The following DCLK2 variants were observed in gnomAD, a reference collection of about 807,000 sequenced individuals.
DCLK2 encodes the protein serine/threonine-protein kinase DCLK2.
Under a neutral mutation model 78.4 loss-of-function variants are expected in DCLK2, and 31 were observed. That is an observed-to-expected ratio of 0.40 (90% confidence interval 0.30 to 0.53). The LOEUF is 0.53. Ranked by LOEUF, DCLK2 falls within the 20% of genes least tolerant of loss-of-function variation. The pLI, the probability that DCLK2 is intolerant of heterozygous loss-of-function variation, is 0.61. For missense variants in DCLK2, 872 were observed against 973.7 expected (o/e 0.90, Z 1.39); for synonymous variants, 407 against 374.9 (o/e 1.09, Z -0.99).
intron 2 of DCLK2, among the ~76,000 whole-genome samples, chr4:150,190,687 T>A (rs531697981): frequency 5.8e-4 from 88 of 152,258 alleles, no homozygotes; most frequent in Non-Finnish European, 9.7e-4. Flanking sequence ...GTGTTTCTTC[T>A]GGGGATGATG....
At chr4:150,193,838 T>G (rs1738658951) in intron 3 of DCLK2, among the ~76,000 whole-genome samples, 1 of 152,032 alleles carries the variant, frequency 6.6e-6, no homozygotes, top group Non-Finnish European at 1.5e-5. Flanking sequence ...GCCTTGACTG[T>G]GCTGCTGGAT....
At chr4:150,100,512 T>G (rs189713493) in intron 1 of DCLK2, among the ~76,000 whole-genome samples, 9 of 152,342 alleles carry the variant, frequency 5.9e-5, no homozygotes, top group Non-Finnish European at 1.0e-4. Context: ...CCAGCTGACT[T>G]ACTACTTATC....
intron 2 of DCLK2, among the ~76,000 whole-genome samples, chr4:150,188,952 G>A (rs1230904377): frequency 6.9e-6 from 1 of 144,262 alleles, no homozygotes; most frequent in Non-Finnish European, 1.5e-5. Context: ...GAAAAAAAAA[G>A]TCACCTTTTT....
At chr4:150,207,208 C>T (rs1739905753) in intron 5 of DCLK2, among the ~76,000 whole-genome samples, 1 of 152,082 alleles carries the variant, frequency 6.6e-6, no homozygotes, top group Non-Finnish European at 1.5e-5. Flanking sequence ...AGCAAGCAAA[C>T]CAAGCCACGA....
At chr4:150,098,244 C>T (rs866878074) in intron 1 of DCLK2, among the ~76,000 whole-genome samples, 2 of 152,050 alleles carry the variant, frequency 1.3e-5, no homozygotes, top group Non-Finnish European at 2.9e-5. Flanking sequence ...ATGGCAGTCA[C>T]TCACTTAGTG....
chr4:150,106,350 T>C (rs1432062203), intron 2 of DCLK2, among the ~76,000 whole-genome samples: 2 of 152,164 alleles, frequency 1.3e-5, no homozygotes, highest in African/African-American at 4.8e-5. Context: ...AAAATTTCTA[T>C]GGGTATGCAT....
At chr4:150,186,972 T>A (rs554862562) in intron 2 of DCLK2, among the ~76,000 whole-genome samples, 1 of 151,974 alleles carries the variant, frequency 6.6e-6, no homozygotes, top group East Asian at 1.9e-4. Flanking sequence ...CAAATAATGA[T>A]TGCATTAGAC....
intron 5 of DCLK2, among the ~76,000 whole-genome samples, chr4:150,215,931 G>A (rs761258626): frequency 6.6e-5 from 10 of 152,208 alleles, no homozygotes; most frequent in Non-Finnish European, 1.5e-4. Flanking sequence ...ATTGTTTTCT[G>A]AGGCCTAAAG....
chr4:150,253,292 C>T (rs1449824369), intron 15 of DCLK2: 3 of 627,170 alleles, frequency 4.8e-6, no homozygotes, highest in African/African-American at 1.9e-5. Flanking sequence ...TAGTGTCAAC[C>T]GTCTGGAGGT....
intron 2 of DCLK2, among the ~76,000 whole-genome samples, chr4:150,160,507 TAAA>T (rs1404008874): frequency 6.6e-6 from 1 of 152,188 alleles, no homozygotes; most frequent in Non-Finnish European, 1.5e-5. Flanking sequence ...CCTGGGCAAT[TAAA>T]AACCCAAAAC....
chr4:150,158,447 A>G (rs1426745600), intron 2 of DCLK2, among the ~76,000 whole-genome samples: 1 of 151,962 alleles, frequency 6.6e-6, no homozygotes, highest in East Asian at 1.9e-4. Flanking sequence ...CCTCCCCTCC[A>G]CCACAGAGGC....
In DCLK2 at chr4:150,082,827, T is replaced by TGTCTTCTCTCCTTCTGAGCGTTTG. The variant is rs1265140741; in HGVS notation, c.421+3399_421+3422dup. ...TTCCTAGTCTTAGTTCTGTTCCGTG[T>TGTCTTCTCTCCTTCTGAGCGTTTG]GTCTTCTCTCCTTCTGAGCGTTTGG... is the stretch of plus-strand genomic sequence containing the variant. On this transcript the variant is annotated intron_variant, in intron 1 of 15. Coordinates refer to ENST00000296550, the MANE Select transcript of DCLK2 (RefSeq NM_001040260.4). 7.9e-5 allele frequency among the ~76,000 whole-genome samples: 12 copies of TGTCTTCTCTCCTTCTGAGCGTTTG among 152,318 alleles called. No homozygotes were observed. The East Asian group carries it at 2.3e-3, about 29-fold the overall frequency.
intron 2 of DCLK2, among the ~76,000 whole-genome samples, chr4:150,106,353 G>T (rs1337985625): frequency 1.3e-5 from 2 of 152,150 alleles, no homozygotes; most frequent in East Asian, 3.9e-4. Flanking sequence ...ATTTCTATGG[G>T]TATGCATGCT....
At chr4:150,136,389 T>A (rs553033407) in intron 2 of DCLK2, among the ~76,000 whole-genome samples, 1 of 152,208 alleles carries the variant, frequency 6.6e-6, no homozygotes, top group African/African-American at 2.4e-5. Flanking sequence ...ATCTGTGATA[T>A]CACCCACAGT....
In DCLK2 at chr4:150,078,886, C is replaced by T. The variant is rs1729012915; in HGVS notation, c.-142C>T. ...TCGGCTCCTCCGCGGCTCCTCGGCC[C>T]CACCTGCGCGGAGAGGGCGGGATGC... On this transcript the variant is annotated 5_prime_UTR_variant, in exon 1 of 16. Coordinates refer to ENST00000296550, the MANE Select transcript of DCLK2 (RefSeq NM_001040260.4). The T allele has an allele frequency of 3.5e-6, 4 of 1,141,698 alleles. No individual in the cohort carries two copies. The highest frequency in any genetic ancestry group is 3.5e-5 in the Admixed American group (1 of 28,274). The allele number at this position is 1,141,698 out of a possible 1,614,324, so 70.7% of individuals were successfully genotyped here.
chr4:150,170,886 A>C (rs543121949), intron 2 of DCLK2, among the ~76,000 whole-genome samples: 252 of 152,328 alleles, frequency 1.7e-3, no homozygotes, highest in Non-Finnish European at 2.7e-3. Context: ...ATCTAAATTG[A>C]GCTTTCTTGT....
intron 2 of DCLK2, among the ~76,000 whole-genome samples, chr4:150,104,688 A>G (rs1284363893): frequency 6.6e-6 from 1 of 152,004 alleles, no homozygotes; most frequent in African/African-American, 2.4e-5. Flanking sequence ...CATAATCCCA[A>G]ACAGATGTTG....
intron 9 of DCLK2, 57 bp downstream of exon 9, chr4:150,232,513 A>C: frequency 6.3e-7 from 1 of 1,595,688 alleles, no homozygotes; most frequent in Non-Finnish European, 8.5e-7. Context: ...AACATCCTTG[A>C]AGGACCTAAT....
chr4:150,141,703 G>A (rs1734114238), intron 2 of DCLK2, among the ~76,000 whole-genome samples: 1 of 152,150 alleles, frequency 6.6e-6, no homozygotes, highest in Admixed American at 6.6e-5. Context: ...TGAGGTGTAC[G>A]TTCATTTTTT....
Sources: gnomAD v4.1 joint callset for allele counts (sites outside exome capture counted in the v4.1 genomes callset) on GRCh38, gnomAD v4.1.1 for gene constraint, MANE v1.5 for transcripts, NCBI Gene and HGNC (gene_info 2026-07-23, HGNC 2026-07-21) for gene names.